Variants in SCAPER observed in about 807,000 individuals in gnomAD.
SCAPER encodes the protein S phase cyclin A-associated protein in the endoplasmic reticulum.
A neutral mutation model predicts 182.2 loss-of-function variants in SCAPER; 98 were observed. The ratio of observed to expected loss-of-function variants is 0.54; its 90% CI spans 0.46 to 0.64. The LOEUF (loss-of-function observed/expected upper bound fraction) is 0.64. Among genes scored for constraint, SCAPER ranks in the 30% least tolerant of loss-of-function variants. The pLI, the probability that SCAPER is intolerant of heterozygous loss-of-function variation, is 0.00. For missense variants in SCAPER, 1,432 were observed against 1,690.0 expected (o/e 0.85, Z 2.68); for synonymous variants, 605 against 564.6 (o/e 1.07, Z -1.01).
intron 23 of SCAPER, among the ~76,000 whole-genome samples, chr15:76,550,341 T>C (rs1302284904): frequency 2.0e-5 from 3 of 152,148 alleles, no homozygotes; most frequent in Admixed American, 6.5e-5. Flanking sequence ...ATCCTGATGC[T>C]CTCCCTCCCC....
chr15:76,785,232 A>T (rs980208153), intron 8 of SCAPER, among the ~76,000 whole-genome samples: 2 of 152,268 alleles, frequency 1.3e-5, no homozygotes, highest in African/African-American at 2.4e-5. Context: ...GAACACAGAC[A>T]CTTCTCAAAA....
At chr15:76,890,783 A>G (rs529847698) in intron 1 of SCAPER, among the ~76,000 whole-genome samples, 14 of 152,334 alleles carry the variant, frequency 9.2e-5, no homozygotes, top group Admixed American at 6.5e-4. Context: ...ATTCCGATCA[A>G]TAGAAGAAGA....
chr15:76,709,465 C>T (rs1189083353), intron 17 of SCAPER, among the ~76,000 whole-genome samples: 3 of 151,894 alleles, frequency 2.0e-5, no homozygotes, highest in Admixed American at 6.6e-5. Flanking sequence ...TCACTTAAGA[C>T]GAAAAAGACA....
intron 21 of SCAPER, among the ~76,000 whole-genome samples, chr15:76,647,446 T>G (rs559681743): frequency 6.6e-6 from 1 of 152,276 alleles, no homozygotes; most frequent in East Asian, 1.9e-4. Context: ...AGAAAGCAAG[T>G]GAAATAAGTC....
At chr15:76,724,114 C>T (rs543771995) in intron 17 of SCAPER, among the ~76,000 whole-genome samples, 109 of 150,630 alleles carry the variant, frequency 7.2e-4, no homozygotes, top group Non-Finnish European at 7.5e-4. Flanking sequence ...TTAGGGCAGG[C>T]CTGGTAGTGA....
At chr15:76,732,664 G>C (rs1217403972) in intron 16 of SCAPER, among the ~76,000 whole-genome samples, 1 of 152,132 alleles carries the variant, frequency 6.6e-6, no homozygotes, top group Non-Finnish European at 1.5e-5. Context: ...GGAGTTTAGA[G>C]AAGACTCTAC....
chr15:76,703,342 C>T (rs2059067229), intron 18 of SCAPER, among the ~76,000 whole-genome samples: 1 of 152,188 alleles, frequency 6.6e-6, no homozygotes, highest in Admixed American at 6.5e-5. Flanking sequence ...CTCAATGCAC[C>T]TAGCTTTTAG....
At chr15:76,788,766 T>C (rs897271164) in intron 8 of SCAPER, among the ~76,000 whole-genome samples, 1 of 152,218 alleles carries the variant, frequency 6.6e-6, no homozygotes, top group Non-Finnish European at 1.5e-5. Context: ...AAATACACAA[T>C]ATAGAGAAAA....
At chr15:76,430,893 T>C (rs945696087) in intron 26 of SCAPER, among the ~76,000 whole-genome samples, 1 of 152,162 alleles carries the variant, frequency 6.6e-6, no homozygotes, top group African/African-American at 2.4e-5. Flanking sequence ...CCAAACCTCA[T>C]CTTGAATTCC....
At chr15:76,387,763 G>T (rs565867217) in intron 27 of SCAPER, among the ~76,000 whole-genome samples, 1 of 152,208 alleles carries the variant, frequency 6.6e-6, no homozygotes, top group African/African-American at 2.4e-5. Flanking sequence ...TAAACATGAG[G>T]ACTAAAAACA....
intron 24 of SCAPER, among the ~76,000 whole-genome samples, chr15:76,478,657 C>T (rs1442842213): frequency 6.6e-6 from 1 of 152,056 alleles, no homozygotes; most frequent in African/African-American, 2.4e-5. Flanking sequence ...ATTTATTTTT[C>T]CCATGAAGAG....
At chr15:76,724,001 C>T (rs1473374819) in intron 17 of SCAPER, among the ~76,000 whole-genome samples, 1 of 152,148 alleles carries the variant, frequency 6.6e-6, no homozygotes, top group Non-Finnish European at 1.5e-5. Context: ...TTAGTTGATG[C>T]AGTTTCTTCC....
intron 5 of SCAPER, among the ~76,000 whole-genome samples, chr15:76,807,529 T>A (rs1327466006): frequency 1.3e-5 from 2 of 152,088 alleles, no homozygotes; most frequent in African/African-American, 2.4e-5. Context: ...TTTTATTTTT[T>A]ATTTTTTACT....
chr15:76,706,061 G>A, intron 17 of SCAPER, 77 bp from the exon 18 acceptor site: 2 of 1,130,110 alleles, frequency 1.8e-6, no homozygotes, highest in Non-Finnish European at 2.5e-6. Flanking sequence ...ATACAATTAG[G>A]ACACATAGGG....
intron 23 of SCAPER, among the ~76,000 whole-genome samples, chr15:76,570,308 C>T (rs2047346316): frequency 6.6e-6 from 1 of 151,954 alleles, no homozygotes. Flanking sequence ...ATTGATTGTC[C>T]TAGATGCCAA....
intron 17 of SCAPER, among the ~76,000 whole-genome samples, chr15:76,717,479 T>C (rs1218248887): frequency 6.6e-6 from 1 of 152,088 alleles, no homozygotes; most frequent in Non-Finnish European, 1.5e-5. Flanking sequence ...TACAATAAGT[T>C]TTTAAGGAAT....
intron 25 of SCAPER, among the ~76,000 whole-genome samples, chr15:76,459,158 C>T (rs2048963805): frequency 1.3e-5 from 2 of 152,158 alleles, no homozygotes; most frequent in African/African-American, 4.8e-5. Context: ...TTCCAAATTG[C>T]TGGGATTGCA....
At chr15:76,605,102 G>C (rs534678212) in intron 22 of SCAPER, among the ~76,000 whole-genome samples, 1 of 152,102 alleles carries the variant, frequency 6.6e-6, no homozygotes, top group East Asian at 1.9e-4. Flanking sequence ...TCTTGTGCCC[G>C]TTTTCAAAGG....
intron 17 of SCAPER, 147 bp downstream of exon 17, chr15:76,728,448 C>A (rs1420621267): frequency 1.4e-5 from 14 of 971,998 alleles, no homozygotes; most frequent in Admixed American, 2.3e-5. Flanking sequence ...GTGGGAGGAT[C>A]ACTTGAGTCA....
Sources: allele counts gnomAD v4.1 joint callset (sites outside exome capture counted in the v4.1 genomes callset), GRCh38; gene constraint gnomAD v4.1.1; transcripts MANE v1.5; gene names NCBI Gene and HGNC (gene_info 2026-07-23, HGNC 2026-07-21).